The following EDRF1 variants were observed in gnomAD, a reference collection of about 807,000 sequenced individuals.
The protein encoded by EDRF1 is erythroid differentiation regulatory factor 1.
A neutral mutation model predicts 148.7 loss-of-function variants in EDRF1; 69 were observed. The observed-to-expected ratio is 0.46, with a 90% CI of 0.38 to 0.57. The LOEUF is 0.57. Ranked by LOEUF, EDRF1 falls within the 20% of genes least tolerant of loss-of-function variation. EDRF1 has a pLI of 0.00. For missense variants in EDRF1, 1,118 were observed against 1,478.7 expected, an observed-to-expected ratio of 0.76 and a Z score of 4.00; for synonymous variants, 515 against 532.8, an observed-to-expected ratio of 0.97 and a Z score of 0.46.
At chr10:125,724,179 G>A (rs1259999833) in intron 4 of EDRF1, among the ~76,000 whole-genome samples, 1 of 152,132 alleles carries the variant, frequency 6.6e-6, no homozygotes, top group African/African-American at 2.4e-5. Flanking sequence ...AAAAGATGAA[G>A]CCAATGAAGA....
In EDRF1 at chr10:125,719,893, A is replaced by C. The variant is rs1295130513; in HGVS notation, c.86A>C (p.Glu29Ala). 6 of 1,613,128 alleles carry C rather than the reference A, an allele frequency of 3.7e-6. No individual in the cohort carries two copies. The highest frequency in any genetic ancestry group is 5.1e-6 in the Non-Finnish European group (6 of 1,179,830). Residue 29 changes from glutamate to alanine, a missense_variant, in exon 1 of 25, where the codon GAA becomes GCA. Transcript: ENST00000356792. ...RGGLSLLSQG[E>A]SEESSAQGSA... ...GGGCTCAGCCTCCTGTCCCAGGGAG[A>C]ATCCGAGGAATCTTCTGCACAGGTG...
chr10:125,758,961 C>A (rs746391315), intron 24 of EDRF1, among the ~76,000 whole-genome samples: 1 of 152,220 alleles, frequency 6.6e-6, no homozygotes, highest in South Asian at 2.1e-4. Context: ...CTTTAACCAA[C>A]GCCCTAAGGT....
intron 4 of EDRF1, among the ~76,000 whole-genome samples, chr10:125,724,252 G>A (rs1848148912): frequency 6.6e-6 from 1 of 152,098 alleles, no homozygotes; most frequent in South Asian, 2.1e-4. Flanking sequence ...ATCCTTTAAC[G>A]TCTCCCTTAA....
chr10:125,725,486 T>C, intron 5 of EDRF1, 44 bp downstream of exon 5: 1 of 1,610,934 alleles, frequency 6.2e-7, no homozygotes, highest in East Asian at 2.2e-5. Context: ...AAGGGAATTC[T>C]GATCTAAAAT....
At chr10:125,723,568 A>G (rs1848106660) in intron 3 of EDRF1, among the ~76,000 whole-genome samples, 1 of 152,172 alleles carries the variant, frequency 6.6e-6, no homozygotes, top group South Asian at 2.1e-4. Context: ...AAGAAATCCT[A>G]TCATGTAAAA....
intron 2 of EDRF1, among the ~76,000 whole-genome samples, chr10:125,721,667 A>G (rs1848012354): frequency 6.6e-6 from 1 of 152,254 alleles, no homozygotes; most frequent in Non-Finnish European, 1.5e-5. Flanking sequence ...TTTGACTGCC[A>G]AAGTTCAATC....
intron 15 of EDRF1, 57 bp downstream of exon 15, chr10:125,738,502 A>G: frequency 6.2e-7 from 1 of 1,601,198 alleles, no homozygotes; most frequent in Non-Finnish European, 8.6e-7. Flanking sequence ...CTGGTTCTTT[A>G]TCAACAGCAG....
chr10:125,723,140 T>C lies in EDRF1; in HGVS notation c.384+6T>C. ...ATGTTGTCTCTGACTCTGAAGTAAG[T>C]GTTATTTGTCGCTTAATGTAATTTT... is the stretch of plus-strand genomic sequence containing the variant. On this transcript the variant is annotated splice_donor_region_variant and intron_variant, in intron 3 of 24. Coordinates refer to ENST00000356792, the MANE Select transcript of EDRF1 (RefSeq NM_001202438.2). The C allele has an allele frequency of 6.2e-7, 1 of 1,612,930 alleles. No individual in the cohort carries two copies. Among genetic ancestry groups the C allele is most frequent in the Non-Finnish European group, 8.5e-7 (1 of 1,179,018 alleles).
intron 24 of EDRF1, chr10:125,756,991 T>C (rs935138533): frequency 2.4e-6 from 1 of 413,652 alleles, no homozygotes; most frequent in African/African-American, 2.1e-5. Context: ...TTTTTAATTT[T>C]TTGTAGAGAT....
At position 125,725,780 on chromosome 10, in the gene EDRF1, G is replaced by T; in HGVS notation, c.734G>T (p.Trp245Leu). 1 of 1,613,950 alleles carries T rather than the reference G, an allele frequency of 6.2e-7. No individual in the cohort carries two copies. Among genetic ancestry groups the T allele is most frequent in the Non-Finnish European group, 8.5e-7 (1 of 1,179,992 alleles). ...ACAAATGATTCGGAAGGGGCTTCAT[G>T]GCCTGCTCCCTTCGAAATGCCTTCT... ...DQTNDSEGAS[W>L]PAPFEMPSSV... The change falls in exon 6 of 25, where the codon TGG becomes TTG. Residue 245 changes from tryptophan to leucine, a missense_variant. Trp to Leu is a moderately conservative substitution (Grantham distance 61). Transcript: ENST00000356792.
At position 125,741,442 on chromosome 10, in the gene EDRF1, CAA is replaced by C. The variant is rs200128802; in HGVS notation, c.2371+242_2371+243del. On this transcript the variant is annotated intron_variant, in intron 17 of 24. Coordinates refer to ENST00000356792, the MANE Select transcript of EDRF1 (RefSeq NM_001202438.2). ...AAGCAATTCTCCTGCCTCAGCCTCC[CAA>C]GTAGCTGGAATTACAGGCATGCGCC... The C allele has an allele frequency of 5.7e-3, 2,853 of 497,810 alleles. 58 individuals carry two copies. The highest frequency in any genetic ancestry group is 0.05 in the African/African-American group (2,571 of 51,930). The allele number at this position is 497,810 out of a possible 1,614,324, so 30.8% of individuals were successfully genotyped here. A position where few individuals can be genotyped will look rare whatever the true frequency, so the allele number is the denominator to read the frequency against.
chr10:125,734,670 G>A (rs1328327295), intron 12 of EDRF1, among the ~76,000 whole-genome samples: 1 of 151,944 alleles, frequency 6.6e-6, no homozygotes, highest in African/African-American at 2.4e-5. Context: ...CCACACTTCA[G>A]GATATTAAAG....
intron 2 of EDRF1, 53 bp downstream of exon 2, chr10:125,721,465 T>C: frequency 1.3e-6 from 2 of 1,521,724 alleles, no homozygotes; most frequent in South Asian, 1.1e-5. Flanking sequence ...CACTTAAAAC[T>C]CTTATTTGCT....
chr10:125,732,859 T>C (rs1319859638), intron 9 of EDRF1, among the ~76,000 whole-genome samples: 1 of 152,138 alleles, frequency 6.6e-6, no homozygotes, highest in African/African-American at 2.4e-5. Context: ...ATGAAGCCTT[T>C]ACTCTTATTG....
Position 125,735,821 on chromosome 10 carries a change from G to C in EDRF1, c.1675G>C (p.Asp559His). 1.9e-6 allele frequency: 3 copies of C among 1,613,646 alleles called. No individual in the cohort carries two copies. The South Asian group carries it at 3.3e-5, about 18-fold the overall frequency. Reference sequence around the variant, plus strand: ...CTATAGCACCAGCTCTGATCCATCAGATGATAGCAAAGCAGTAGCTATAAT... The same window carrying C: ...CTATAGCACCAGCTCTGATCCATCACATGATAGCAAAGCAGTAGCTATAAT... ...GSYSTSSDPSDDSKAVAIIKS... is the reference protein window; with the variant it reads ...GSYSTSSDPSHDSKAVAIIKS... Residue 559 changes from aspartate (D) to histidine (H), a missense_variant, in exon 13 of 25, where the codon GAT becomes CAT. This residue lies in a region of EDRF1 where 954 missense variants were observed against 1,241.4 expected (regional missense o/e 0.77). Coordinates refer to ENST00000356792, the MANE Select transcript of EDRF1 (RefSeq NM_001202438.2).
intron 18 of EDRF1, chr10:125,744,886 C>G (rs1849259376): frequency 6.6e-6 from 1 of 152,310 alleles, no homozygotes; most frequent in Non-Finnish European, 1.5e-5. Flanking sequence ...CCTATACATA[C>G]ATACCTGCGA....
intron 1 of EDRF1, 111 bp from the exon 2 acceptor site, chr10:125,721,093 C>A: frequency 1.0e-6 from 1 of 979,236 alleles, no homozygotes. Flanking sequence ...TAACATGTGG[C>A]ATACGTTCCT....
chr10:125,731,898 AAG>A, intron 9 of EDRF1: 1 of 453,366 alleles, frequency 2.2e-6, no homozygotes, highest in South Asian at 1.6e-5. Context: ...ATTTGATGGA[AAG>A]AGAGACTGAG....
At chr10:125,720,893 A>G (rs1226437376) in intron 1 of EDRF1, among the ~76,000 whole-genome samples, 1 of 152,118 alleles carries the variant, frequency 6.6e-6, no homozygotes, top group African/African-American at 2.4e-5. Flanking sequence ...TTAACATGAT[A>G]CCATTGAGTC....
Sources: allele counts gnomAD v4.1 joint callset (sites outside exome capture counted in the v4.1 genomes callset), GRCh38; gene constraint gnomAD v4.1.1; regional missense constraint gnomAD v4.1.1; transcripts MANE v1.5; gene names NCBI Gene and HGNC (gene_info 2026-07-23, HGNC 2026-07-21).